MAGI2: variants seen among roughly 807,000 people sequenced by gnomAD.
The protein encoded by MAGI2 is membrane-associated guanylate kinase, WW and PDZ domain-containing protein 2.
Under a neutral mutation model 133.3 loss-of-function variants are expected in MAGI2, and 35 were observed. That is an observed-to-expected ratio of 0.26 (90% CI 0.20 to 0.35). The LOEUF (loss-of-function observed/expected upper bound fraction) is 0.35. Ranked by LOEUF, MAGI2 falls within the 10% of genes least tolerant of loss-of-function variation. The pLI is 1.00. For missense variants in MAGI2, 1,636 were observed against 1,863.4 expected, an observed-to-expected ratio of 0.88 and a Z score of 2.25; for synonymous variants, 729 against 710.6, an observed-to-expected ratio of 1.03 and a Z score of -0.41.
At chr7:78,837,396 A>G (rs1336667620) in intron 2 of MAGI2, among the ~76,000 whole-genome samples, 3 of 152,120 alleles carry the variant, frequency 2.0e-5, no homozygotes, top group Non-Finnish European at 4.4e-5. Flanking sequence ...TGCTCTTTAT[A>G]AATTTTCTTA....
At position 78,628,000 on chromosome 7, in the gene MAGI2, C is replaced by T. The variant is rs975477090; in HGVS notation, c.419-761G>A. On this transcript the variant is annotated intron_variant, in intron 2 of 21. Transcript: ENST00000354212. ...GGGTTACTGCATGGGACCACTGTTC[C>T]TGACTCCTCCATCACCCACAGAGGG... 9.2e-5 allele frequency among the ~76,000 whole-genome samples: 14 copies of T among 152,246 alleles called. No individual in the cohort carries two copies. The South Asian group carries it at 1.7e-3, about 18-fold the overall frequency.
intron 3 of MAGI2, among the ~76,000 whole-genome samples, chr7:78,564,909 T>C (rs982174361): frequency 1.4e-5 from 2 of 144,732 alleles, no homozygotes; most frequent in Admixed American, 7.3e-5. Flanking sequence ...TTCTCCTGCC[T>C]GAGCCTCCCG....
chr7:78,113,682 G>T (rs996466341), intron 20 of MAGI2, among the ~76,000 whole-genome samples: 10 of 152,168 alleles, frequency 6.6e-5, no homozygotes, highest in Non-Finnish European at 4.4e-5. Context: ...CTAGGTTTTT[G>T]TAAGTGTACT....
chr7:78,945,754 A>G (rs1050126527), intron 2 of MAGI2, among the ~76,000 whole-genome samples: 1 of 152,078 alleles, frequency 6.6e-6, no homozygotes. Context: ...GTTTCTCACA[A>G]ACCTCTACAT....
At chr7:78,069,288 G>A (rs989317500) in intron 21 of MAGI2, among the ~76,000 whole-genome samples, 10 of 152,058 alleles carry the variant, frequency 6.6e-5, no homozygotes, top group Non-Finnish European at 1.3e-4. Flanking sequence ...GAGCAGATAC[G>A]TCCGGCAATC....
Position 79,072,638 on chromosome 7 carries a change from T to TA in MAGI2, c.302-65433dup, listed in dbSNP as rs531446374. ...TGAGCATAAAAATAAAACTAGTTAT[T>TA]AAAAAACAAATTATTTACCTGGAAA... On this transcript the variant is annotated intron_variant, in intron 1 of 21. Transcript: ENST00000354212. Among the ~76,000 whole-genome samples the TA allele has an allele frequency of 2.0e-3, 304 of 152,310 alleles. 3 individuals carry two copies. Among genetic ancestry groups the TA allele is most frequent in the African/African-American group, 6.6e-3 (274 of 41,558 alleles).
intron 1 of MAGI2, among the ~76,000 whole-genome samples, chr7:79,205,049 AGAAAG>A (rs1367540750): frequency 6.6e-6 from 1 of 151,926 alleles, no homozygotes; most frequent in Admixed American, 6.5e-5. Context: ...ATCAAGGGTT[AGAAAG>A]TTTATTAAAA....
At chr7:78,427,606 T>A (rs953723426) in intron 6 of MAGI2, among the ~76,000 whole-genome samples, 2 of 144,542 alleles carry the variant, frequency 1.4e-5, no homozygotes, top group Non-Finnish European at 3.0e-5. Context: ...AAATGTATAA[T>A]CATAGTGAAA....
chr7:78,489,704 A>T, intron 6 of MAGI2, 57 bp downstream of exon 6: 5 of 1,323,166 alleles, frequency 3.8e-6, no homozygotes, highest in Non-Finnish European at 5.4e-6. Flanking sequence ...CTCATTTAAG[A>T]AACACAAACA....
intron 3 of MAGI2, among the ~76,000 whole-genome samples, chr7:78,608,772 G>C (rs1191588857): frequency 6.6e-6 from 1 of 152,142 alleles, no homozygotes; most frequent in East Asian, 1.9e-4. Context: ...TAGTTACATG[G>C]TACTGAAATT....
intron 14 of MAGI2, among the ~76,000 whole-genome samples, chr7:78,176,858 CAT>C (rs1278157209): frequency 6.7e-6 from 1 of 148,446 alleles, no homozygotes; most frequent in African/African-American, 2.5e-5. Flanking sequence ...AGGAAAACCA[CAT>C]ATATATAATA....
chr7:78,752,883 T>G (rs1823585974), intron 2 of MAGI2, among the ~76,000 whole-genome samples: 2 of 152,230 alleles, frequency 1.3e-5, no homozygotes, highest in Admixed American at 1.3e-4. Flanking sequence ...CCTCTGTCTA[T>G]GCAGAGTCCA....
intron 1 of MAGI2, among the ~76,000 whole-genome samples, chr7:79,139,196 T>C (rs1821892586): frequency 6.6e-6 from 1 of 152,126 alleles, no homozygotes; most frequent in Non-Finnish European, 1.5e-5. Flanking sequence ...CTGTGCTCTT[T>C]TGTTATGGCA....
intron 2 of MAGI2, among the ~76,000 whole-genome samples, chr7:78,896,670 C>T (rs1434702425): frequency 2.6e-5 from 4 of 151,816 alleles, no homozygotes; most frequent in East Asian, 1.9e-4. Context: ...TGGCTTCAAG[C>T]GATTCTCGTG....
At chr7:78,608,452 T>C (rs539593659) in intron 3 of MAGI2, among the ~76,000 whole-genome samples, 1 of 149,560 alleles carries the variant, frequency 6.7e-6, no homozygotes, top group African/African-American at 2.5e-5. Flanking sequence ...TATATATGTA[T>C]ATATATATGT....
At chr7:79,441,445 G>A (rs1482758261) in intron 1 of MAGI2, among the ~76,000 whole-genome samples, 1 of 152,004 alleles carries the variant, frequency 6.6e-6, no homozygotes, top group Non-Finnish European at 1.5e-5. Context: ...GGGAGATTTG[G>A]GATAAGAATA....
chr7:78,944,729 A>C (rs958048961), intron 2 of MAGI2, among the ~76,000 whole-genome samples: 1 of 151,126 alleles, frequency 6.6e-6, no homozygotes, highest in African/African-American at 2.4e-5. Flanking sequence ...TTATTTATTT[A>C]TTTATTTATT....
At chr7:78,324,690 G>C (rs1246552264) in intron 9 of MAGI2, among the ~76,000 whole-genome samples, 1 of 152,128 alleles carries the variant, frequency 6.6e-6, no homozygotes, top group African/African-American at 2.4e-5. Context: ...CCCAGGTGCG[G>C]TGGCTCACAA....
chr7:79,405,593 T>C (rs1217046052), intron 1 of MAGI2, among the ~76,000 whole-genome samples: 2 of 152,000 alleles, frequency 1.3e-5, no homozygotes, highest in Non-Finnish European at 2.9e-5. Flanking sequence ...GCCCCAAGAG[T>C]GCTAGTATGT....
Sources: gnomAD v4.1 joint callset for allele counts (sites outside exome capture counted in the v4.1 genomes callset) on GRCh38, gnomAD v4.1.1 for gene constraint, MANE v1.5 for transcripts, NCBI Gene and HGNC (gene_info 2026-07-23, HGNC 2026-07-21) for gene names.